The following RBPMS variants were observed in gnomAD, a reference collection of about 807,000 sequenced individuals.
RBPMS encodes RNA-binding protein with multiple splicing.
RBPMS carries 7 observed loss-of-function variants against 26.8 expected under a neutral mutation model. The ratio of observed to expected loss-of-function variants is 0.26; its 90% CI spans 0.15 to 0.49. RBPMS has a LOEUF of 0.49. Among genes scored for constraint, RBPMS ranks in the 20% least tolerant of loss-of-function variants. The pLI, the probability that RBPMS is intolerant of heterozygous loss-of-function variation, is 0.98. For synonymous variants in RBPMS, 96 were observed against 93.3 expected, an observed-to-expected ratio of 1.03 and a Z score of -0.17; for missense variants, 186 against 250.0, an observed-to-expected ratio of 0.74 and a Z score of 1.73.
At chr8:30,426,670 C>A (rs1713288933) in intron 1 of RBPMS, among the ~76,000 whole-genome samples, 2 of 150,030 alleles carry the variant, frequency 1.3e-5, no homozygotes, top group South Asian at 4.2e-4. Flanking sequence ...ACTTTGCTTG[C>A]AGTGATTTTC....
chr8:30,544,941 A>G (rs1825748730), intron 6 of RBPMS: 2 of 1,474,166 alleles, frequency 1.4e-6, no homozygotes, highest in Non-Finnish European at 9.0e-7. Context: ...GGGCATCACC[A>G]GAGTGTATAC....
At chr8:30,547,475 C>T in intron 6 of RBPMS, 2 of 1,556,314 alleles carry the variant, frequency 1.3e-6, no homozygotes, top group African/African-American at 1.4e-5. Context: ...TTCTTGACGA[C>T]CTTTGAGAGA....
chr8:30,446,504 G>A lies in RBPMS; in HGVS notation c.67-28275G>A, dbSNP rs539593454. 7.2e-5 allele frequency among the ~76,000 whole-genome samples: 11 copies of A among 152,298 alleles called. 1 individual carries two copies. The South Asian group carries it at 1.4e-3, about 20-fold the overall frequency. On this transcript the variant is annotated intron_variant, in intron 1 of 8. Transcript: ENST00000397323. ...ACAGCATTAGAATCCCTAATAGTGC[G>A]TGTATGTGTGTGCATGCACGTGGAT...
chr8:30,551,918 G>C (rs1258712081), intron 6 of RBPMS, among the ~76,000 whole-genome samples: 1 of 152,210 alleles, frequency 6.6e-6, no homozygotes, highest in Admixed American at 6.5e-5. Flanking sequence ...GCAGAAAACA[G>C]TAAGATGTTT....
At chr8:30,476,827 G>A (rs368131068) in intron 2 of RBPMS, among the ~76,000 whole-genome samples, 1 of 152,154 alleles carries the variant, frequency 6.6e-6, no homozygotes, top group African/African-American at 2.4e-5. Context: ...CTTATCTTGA[G>A]GAGCCGGGAG....
chr8:30,509,475 G>A (rs891626291), intron 5 of RBPMS, among the ~76,000 whole-genome samples: 1 of 152,186 alleles, frequency 6.6e-6, no homozygotes, highest in Non-Finnish European at 1.5e-5. Context: ...GTTCAGGAGA[G>A]CCTGTAAAGT....
chr8:30,428,286 G>T (rs1243579179), intron 1 of RBPMS, among the ~76,000 whole-genome samples: 1 of 151,802 alleles, frequency 6.6e-6, no homozygotes, highest in African/African-American at 2.4e-5. Context: ...CTCCCAAAGT[G>T]CTGGGATTAC....
intron 4 of RBPMS, among the ~76,000 whole-genome samples, chr8:30,480,193 A>G (rs1818127320): frequency 1.3e-5 from 2 of 152,176 alleles, no homozygotes; most frequent in African/African-American, 2.4e-5. Context: ...TGACTGAAGC[A>G]CTCAGAGTGT....
At chr8:30,554,941 C>T (rs995589239) in intron 6 of RBPMS, among the ~76,000 whole-genome samples, 1 of 152,178 alleles carries the variant, frequency 6.6e-6, no homozygotes, top group African/African-American at 2.4e-5. Flanking sequence ...CTGTGCCAGT[C>T]ACTCACCACT....
At chr8:30,448,643 T>C (rs1417516625) in intron 1 of RBPMS, among the ~76,000 whole-genome samples, 3 of 152,250 alleles carry the variant, frequency 2.0e-5, no homozygotes, top group African/African-American at 7.2e-5. Context: ...GGTATAATGG[T>C]TGACAGCTCT....
At chr8:30,550,884 C>T (rs1340026849) in intron 6 of RBPMS, among the ~76,000 whole-genome samples, 3 of 152,218 alleles carry the variant, frequency 2.0e-5, no homozygotes, top group African/African-American at 7.2e-5. Flanking sequence ...AGTTACTTTA[C>T]ACAAACCCGC....
intron 5 of RBPMS, among the ~76,000 whole-genome samples, chr8:30,527,797 G>A (rs542321931): frequency 6.6e-6 from 1 of 152,332 alleles, no homozygotes; most frequent in South Asian, 2.1e-4. Flanking sequence ...AGAAGAGATG[G>A]AGAATGAGAC....
At chr8:30,563,889 C>T (rs1827696564) in intron 7 of RBPMS, among the ~76,000 whole-genome samples, 1 of 152,202 alleles carries the variant, frequency 6.6e-6, no homozygotes, top group African/African-American at 2.4e-5. Flanking sequence ...GTGCACCCAC[C>T]AACCAGTATG....
intron 1 of RBPMS, among the ~76,000 whole-genome samples, chr8:30,430,210 CCT>C (rs1024826358): frequency 4.6e-5 from 7 of 150,578 alleles, no homozygotes; most frequent in Non-Finnish European, 8.9e-5. Flanking sequence ...AGAGTGATAC[CCT>C]GTCTTAAATG....
chr8:30,489,309 G>T (rs925857332), intron 4 of RBPMS, among the ~76,000 whole-genome samples: 1 of 152,090 alleles, frequency 6.6e-6, no homozygotes, highest in Non-Finnish European at 1.5e-5. Flanking sequence ...GCTTTGCAGA[G>T]TGTTAGGATT....
chr8:30,515,584 A>C (rs1466725393), intron 5 of RBPMS, among the ~76,000 whole-genome samples: 2 of 152,240 alleles, frequency 1.3e-5, no homozygotes, highest in Non-Finnish European at 2.9e-5. Flanking sequence ...AAATATGTAG[A>C]TCTAAAGTTT....
chr8:30,450,161 T>C (rs1269295556), intron 1 of RBPMS, among the ~76,000 whole-genome samples: 1 of 152,246 alleles, frequency 6.6e-6, no homozygotes, highest in Non-Finnish European at 1.5e-5. Flanking sequence ...ATTAAAATTA[T>C]AGATTGCTAC....
At chr8:30,449,074 A>G (rs142213553) in intron 1 of RBPMS, among the ~76,000 whole-genome samples, 147 of 152,308 alleles carry the variant, frequency 9.7e-4, no homozygotes, top group African/African-American at 3.4e-3. Context: ...CTGCAAGGGT[A>G]AACAGTGTTG....
intron 5 of RBPMS, among the ~76,000 whole-genome samples, 156 bp from the exon 6 acceptor site, chr8:30,544,338 G>A (rs1384469209): frequency 6.6e-6 from 1 of 152,220 alleles, no homozygotes; most frequent in Non-Finnish European, 1.5e-5. Context: ...CTTAGCATTT[G>A]TGGGACCAAA....
Sources: allele counts gnomAD v4.1 joint callset (sites outside exome capture counted in the v4.1 genomes callset), GRCh38; gene constraint gnomAD v4.1.1; transcripts MANE v1.5; gene names NCBI Gene and HGNC (gene_info 2026-07-23, HGNC 2026-07-21).